MYCBP2: variants seen among roughly 807,000 people sequenced by gnomAD.
The protein encoded by MYCBP2 is E3 ubiquitin-protein ligase MYCBP2.
A neutral mutation model predicts 525.3 loss-of-function variants in MYCBP2; 120 were observed. The ratio of observed to expected loss-of-function variants is 0.23; its 90% CI spans 0.20 to 0.27. MYCBP2 has a LOEUF of 0.27. MYCBP2 is among the 10% of genes least tolerant of loss of function. The probability of loss-of-function intolerance (pLI) is 1.00; values close to 1 mark genes in which losing one functional copy is unlikely to be tolerated. For missense variants in MYCBP2, 4,149 were observed against 5,657.1 expected (o/e 0.73, Z 8.55); for synonymous variants, 1,894 against 1,955.8 (o/e 0.97, Z 0.83).
In MYCBP2 at chr13:77,097,602, A is replaced by G. The variant is rs757518963; in HGVS notation, c.9552T>C (p.Phe3184=). Residue 3184 remains phenylalanine (F), a synonymous_variant, in exon 56 of 83, where the codon TTT becomes TTC. Transcript: ENST00000544440. ...TIKAASQNMI[F]PSPGSCAVLK... ...GAACTGCACAGGAACCAGGACTTGG[A>G]AAAATCATATTCTGGGAAGCAGCTT... 2 of 1,613,584 alleles carry G rather than the reference A, an allele frequency of 1.2e-6. No homozygotes were observed. The highest frequency in any genetic ancestry group is 2.2e-5 in the East Asian group (1 of 44,824).
At chr13:77,179,356 C>G (rs905622862) in intron 34 of MYCBP2, among the ~76,000 whole-genome samples, 1 of 152,088 alleles carries the variant, frequency 6.6e-6, no homozygotes, top group Non-Finnish European at 1.5e-5. Flanking sequence ...TTTTCCAAAC[C>G]AATCTACTGT....
chr13:77,324,039 C>A (rs1419354860), intron 1 of MYCBP2, among the ~76,000 whole-genome samples: 1 of 152,162 alleles, frequency 6.6e-6, no homozygotes, highest in Non-Finnish European at 1.5e-5. Context: ...TCCCACCCAA[C>A]CTCCTATACT....
At chr13:77,167,621 C>T (rs1160241245) in intron 40 of MYCBP2, among the ~76,000 whole-genome samples, 1 of 152,134 alleles carries the variant, frequency 6.6e-6, no homozygotes, top group African/African-American at 2.4e-5. Context: ...ATGATGTTTG[C>T]AGACATTAAA....
chr13:77,166,610 ACATCTG>A (rs1486169834), intron 40 of MYCBP2, 56 bp from the exon 41 acceptor site: 2 of 1,207,934 alleles, frequency 1.7e-6, no homozygotes, highest in Admixed American at 3.9e-5. Context: ...ACAAACATAC[ACATCTG>A]CATCTGTATG....
Position 77,097,740 on chromosome 13 carries a change from G to A in MYCBP2, c.9414C>T (p.Thr3138=), listed in dbSNP as rs11400. The part of the protein sequence containing the change: ...PLHEKCEDGK[T]ETTFEMSMHN... ...GCATGGACATTTCAAAAGTGGTCTCGGTTTTCCCATCCTCACATTTTTCAT... is the reference window on the plus strand; with the variant it reads ...GCATGGACATTTCAAAAGTGGTCTCAGTTTTCCCATCCTCACATTTTTCAT... The change falls in exon 56 of 83, where the codon ACC becomes ACT. Residue 3138 remains threonine, a synonymous_variant. Transcript: ENST00000544440. The A allele has an allele frequency of 4.3e-6, 7 of 1,613,378 alleles. No individual in the cohort carries two copies. The highest frequency in any genetic ancestry group is 3.3e-5 in the Admixed American group (2 of 59,906).
intron 23 of MYCBP2, among the ~76,000 whole-genome samples, chr13:77,208,108 C>A (rs1309323572): frequency 6.6e-6 from 1 of 152,162 alleles, no homozygotes; most frequent in African/African-American, 2.4e-5. Flanking sequence ...CAAAACCTTA[C>A]AAGAATGTGA....
intron 1 of MYCBP2, among the ~76,000 whole-genome samples, chr13:77,301,150 C>G (rs990126192): frequency 2.0e-5 from 3 of 152,020 alleles, no homozygotes; most frequent in Non-Finnish European, 4.4e-5. Flanking sequence ...CGCGGTGGCT[C>G]ACACCTGTAA....
At chr13:77,277,066 C>T (rs1342310978) in intron 4 of MYCBP2, among the ~76,000 whole-genome samples, 1 of 151,918 alleles carries the variant, frequency 6.6e-6, no homozygotes, top group Non-Finnish European at 1.5e-5. Context: ...AAAGTATGTA[C>T]AGAATGGATA....
At chr13:77,083,540 T>C (rs1050827929) in intron 62 of MYCBP2, among the ~76,000 whole-genome samples, 7 of 152,206 alleles carry the variant, frequency 4.6e-5, no homozygotes, top group South Asian at 4.1e-4. Flanking sequence ...CATACATATA[T>C]GTAGGTATGT....
At chr13:77,154,464 TGAAAA>T (rs2056965851) in intron 46 of MYCBP2, among the ~76,000 whole-genome samples, 1 of 146,236 alleles carries the variant, frequency 6.8e-6, no homozygotes, top group Non-Finnish European at 1.5e-5. Flanking sequence ...AACTCTAAGA[TGAAAA>T]GAAAAAAAGA....
At chr13:77,131,707 G>T (rs1304337884) in intron 52 of MYCBP2, among the ~76,000 whole-genome samples, 1 of 152,092 alleles carries the variant, frequency 6.6e-6, no homozygotes, top group African/African-American at 2.4e-5. Context: ...GTGTGCATGT[G>T]TATATACGAA....
At position 77,326,847 on chromosome 13, in the gene MYCBP2, A is replaced by T. The variant is rs1246040961; in HGVS notation, c.-72T>A. The stretch of plus-strand genomic sequence containing the variant: ...CGGGCAGACACGCGCGCGCACACAC[A>T]GCCCTTTTCCAACGACGACGGCTCC... On this transcript the variant is annotated 5_prime_UTR_variant, in exon 1 of 83. Transcript: ENST00000544440. The surrounding 1 kb of genome is among the most constrained non-coding windows in gnomAD (Gnocchi z 4.2). 5.3e-6 allele frequency: 7 copies of T among 1,324,846 alleles called. No individual in the cohort carries two copies. The East Asian group carries it at 1.5e-4, about 29-fold the overall frequency. The allele number at this position is 1,324,846 out of a possible 1,614,324, so 82.1% of individuals were successfully genotyped here. A position where few individuals can be genotyped will look rare whatever the true frequency, so the allele number is the denominator to read the frequency against.
chr13:77,139,813 A>T (rs2054317229), intron 51 of MYCBP2, among the ~76,000 whole-genome samples: 1 of 152,234 alleles, frequency 6.6e-6, no homozygotes, highest in African/African-American at 2.4e-5. Flanking sequence ...GGTTCTGAAT[A>T]CTATGTCGAA....
At chr13:77,145,019 C>T (rs750338911) in intron 48 of MYCBP2, among the ~76,000 whole-genome samples, 5 of 152,150 alleles carry the variant, frequency 3.3e-5, no homozygotes, top group East Asian at 1.9e-4. Flanking sequence ...TGAATCATTT[C>T]GATTAGCACA....
intron 58 of MYCBP2, 62 bp from the exon 59 acceptor site, chr13:77,093,394 A>T: frequency 7.1e-7 from 1 of 1,417,894 alleles, no homozygotes. Flanking sequence ...CTCCATTTTT[A>T]ATCTCTTTCA....
chr13:77,107,130 C>G (rs2047979162), intron 55 of MYCBP2, among the ~76,000 whole-genome samples: 1 of 152,108 alleles, frequency 6.6e-6, no homozygotes, highest in Non-Finnish European at 1.5e-5. Flanking sequence ...TGCTGACTTT[C>G]CTCAGCTTAA....
In MYCBP2 at chr13:77,088,148, G is replaced by C. The variant is rs375109692; in HGVS notation, c.10726-515C>G. ...AACTTGAAACAGTTAATAATTTGGG[G>C]TTTTAATTTAAAAAAAACAGGAAAA... On this transcript the variant is annotated intron_variant, in intron 61 of 82. Coordinates refer to ENST00000544440, the MANE Select transcript of MYCBP2 (RefSeq NM_015057.5). Among the ~76,000 whole-genome samples the C allele has an allele frequency of 3.0e-4, 45 of 151,722 alleles. No individual in the cohort carries two copies. The East Asian group carries it at 6.4e-3, about 22-fold the overall frequency.
At chr13:77,107,264 A>C (rs1447068878) in intron 55 of MYCBP2, among the ~76,000 whole-genome samples, 1 of 152,186 alleles carries the variant, frequency 6.6e-6, no homozygotes. Context: ...TTGAGAAATT[A>C]ATTTTTAAAT....
rs764887675 is a variant in MYCBP2, at chr13:77,090,082, A to G, written c.10525+24T>C. 4 of 1,581,932 alleles carry G rather than the reference A, an allele frequency of 2.5e-6. No individual in the cohort carries two copies. The Admixed American group carries it at 7.2e-5, about 28-fold the overall frequency. The stretch of plus-strand genomic sequence containing the variant: ...ATTTGTAGTAGTCAGATCACTCAAT[A>G]TTCTTTTTTATCCTCATACTTACCA... On this transcript the variant is annotated intron_variant, in intron 60 of 82. Transcript: ENST00000544440.
Sources: gnomAD v4.1 joint callset for allele counts (sites outside exome capture counted in the v4.1 genomes callset) on GRCh38, gnomAD v4.1.1 for gene constraint, Gnocchi (gnomAD v3.1) non-coding constraint, MANE v1.5 for transcripts, NCBI Gene and HGNC (gene_info 2026-07-23, HGNC 2026-07-21) for gene names.